The following PTPRD variants were observed in gnomAD, a reference collection of about 807,000 sequenced individuals.
PTPRD encodes the protein receptor-type tyrosine-protein phosphatase delta.
A neutral mutation model predicts 214.5 loss-of-function variants in PTPRD; 34 were observed. That is an observed-to-expected ratio of 0.16 (90% CI 0.12 to 0.21). PTPRD has a LOEUF of 0.21. Among genes scored for constraint, PTPRD ranks in the 10% least tolerant of loss-of-function variants. PTPRD has a pLI of 1.00. For synonymous variants in PTPRD, 1,128 were observed against 845.7 expected, an observed-to-expected ratio of 1.33 and a Z score of -5.79; for missense variants, 2,545 against 2,398.7, an observed-to-expected ratio of 1.06 and a Z score of -1.27.
intron 21 of PTPRD, among the ~76,000 whole-genome samples, chr9:8,516,082 T>C (rs918918592): frequency 6.6e-6 from 1 of 152,222 alleles, no homozygotes; most frequent in Non-Finnish European, 1.5e-5. Flanking sequence ...TAAGTTCCCA[T>C]ATAATTTCTT....
intron 21 of PTPRD, among the ~76,000 whole-genome samples, chr9:8,514,428 T>C (rs1193000219): frequency 6.6e-6 from 1 of 152,148 alleles, no homozygotes; most frequent in Non-Finnish European, 1.5e-5. Flanking sequence ...AGAGCCAAAT[T>C]TATTTAAATT....
chr9:8,320,069 C>CCTG, intron 44 of PTPRD, 103 bp from the exon 45 acceptor site: 1 of 1,366,598 alleles, frequency 7.3e-7, no homozygotes, highest in Non-Finnish European at 9.8e-7. Context: ...CACTCCGTAT[C>CCTG]TCTTTATAGC....
At chr9:9,229,713 G>A in intron 9 of PTPRD, among the ~76,000 whole-genome samples, 1 of 152,060 alleles carries the variant, frequency 6.6e-6, no homozygotes, top group Non-Finnish European at 1.5e-5. Flanking sequence ...ATACATTTGT[G>A]GAACTAGTAT....
At chr9:8,945,703 C>G (rs2099059928) in intron 11 of PTPRD, among the ~76,000 whole-genome samples, 2 of 151,902 alleles carry the variant, frequency 1.3e-5, no homozygotes, top group African/African-American at 4.8e-5. Context: ...GTAATGGATT[C>G]CACAATTCCA....
At chr9:9,192,751 T>C (rs1010505660) in intron 9 of PTPRD, among the ~76,000 whole-genome samples, 3 of 151,996 alleles carry the variant, frequency 2.0e-5, no homozygotes, top group African/African-American at 7.2e-5. Flanking sequence ...TAGATACAGA[T>C]TTGGGAAAAC....
chr9:9,504,762 G>A (rs181060652), intron 8 of PTPRD, among the ~76,000 whole-genome samples: 59 of 151,710 alleles, frequency 3.9e-4, no homozygotes, highest in African/African-American at 1.3e-3. Context: ...CCCTAAAGGT[G>A]TAACAAAAAC....
At chr9:9,488,075 T>C (rs892347776) in intron 8 of PTPRD, among the ~76,000 whole-genome samples, 2 of 152,182 alleles carry the variant, frequency 1.3e-5, no homozygotes, top group Non-Finnish European at 2.9e-5. Flanking sequence ...ACTATTATTG[T>C]AACCTTTATT....
intron 43 of PTPRD, among the ~76,000 whole-genome samples, chr9:8,335,369 T>G (rs1349663441): frequency 6.6e-6 from 1 of 152,070 alleles, no homozygotes; most frequent in African/African-American, 2.4e-5. Flanking sequence ...ATCCATCACA[T>G]ACACAGAACC....
chr9:9,867,729 T>G (rs2064337884), intron 5 of PTPRD, among the ~76,000 whole-genome samples: 1 of 152,108 alleles, frequency 6.6e-6, no homozygotes, highest in African/African-American at 2.4e-5. Context: ...TGTTTTCTCT[T>G]AGGTCAAGAA....
At chr9:8,735,519 C>G (rs2090056504) in intron 11 of PTPRD, among the ~76,000 whole-genome samples, 1 of 152,150 alleles carries the variant, frequency 6.6e-6, no homozygotes, top group South Asian at 2.1e-4. Context: ...CTGGGTGATG[C>G]TGATGCTGCC....
chr9:9,760,160 T>A (rs956032955), intron 6 of PTPRD, among the ~76,000 whole-genome samples: 1 of 152,136 alleles, frequency 6.6e-6, no homozygotes, highest in Non-Finnish European at 1.5e-5. Flanking sequence ...GAGTTCTAGA[T>A]TGTAGCCTCA....
intron 11 of PTPRD, among the ~76,000 whole-genome samples, chr9:8,939,097 T>G (rs1035881654): frequency 6.6e-6 from 1 of 152,204 alleles, no homozygotes; most frequent in Non-Finnish European, 1.5e-5. Flanking sequence ...GATTAAGGAT[T>G]TAGAATACCG....
intron 11 of PTPRD, among the ~76,000 whole-genome samples, chr9:8,904,702 G>A (rs763153754): frequency 2.0e-5 from 3 of 150,650 alleles, no homozygotes; most frequent in Non-Finnish European, 4.4e-5. Context: ...ATTACATTTA[G>A]TTGGTCATGT....
At chr9:8,456,239 G>C (rs1397878672) in intron 33 of PTPRD, among the ~76,000 whole-genome samples, 1 of 152,168 alleles carries the variant, frequency 6.6e-6, no homozygotes, top group Non-Finnish European at 1.5e-5. Flanking sequence ...AAGGGGCATT[G>C]ACAGTAACGC....
chr9:8,355,761 G>A (rs1334563710), intron 39 of PTPRD, among the ~76,000 whole-genome samples: 2 of 152,196 alleles, frequency 1.3e-5, no homozygotes, highest in Non-Finnish European at 2.9e-5. Context: ...AGAGCACGGA[G>A]ACCTGGGCTC....
At chr9:9,812,296 G>T (rs1356093766) in intron 5 of PTPRD, among the ~76,000 whole-genome samples, 1 of 151,946 alleles carries the variant, frequency 6.6e-6, no homozygotes, top group East Asian at 1.9e-4. Context: ...ATACCTCAAA[G>T]GTATGCCTGT....
chr9:8,815,681 T>C (rs1897789), intron 11 of PTPRD, among the ~76,000 whole-genome samples: 136,923 of 152,142 alleles, frequency 0.9, 61,827 homozygotes, highest in East Asian at 0.97. Context: ...ATCTCCTGCA[T>C]AAAATTATTC....
intron 5 of PTPRD, among the ~76,000 whole-genome samples, chr9:9,794,418 A>G (rs1746796): frequency 0.035 from 5,291 of 152,102 alleles, 112 homozygotes; most frequent in Middle Eastern, 0.065. Context: ...TGGAGACTTA[A>G]CGATTTATGG....
intron 3 of PTPRD, among the ~76,000 whole-genome samples, chr9:10,089,165 C>T (rs966860979): frequency 1.3e-5 from 2 of 149,648 alleles, no homozygotes; most frequent in East Asian, 4.0e-4. Flanking sequence ...TATGATAGTG[C>T]CAAGCATCAC....
Sources: gnomAD v4.1 joint callset for allele counts (sites outside exome capture counted in the v4.1 genomes callset) on GRCh38, gnomAD v4.1.1 for gene constraint, MANE v1.5 for transcripts, NCBI Gene and HGNC (gene_info 2026-07-23, HGNC 2026-07-21) for gene names.